The following GRB2 variants were observed in gnomAD, a reference collection of about 807,000 sequenced individuals.
The protein encoded by GRB2 is growth factor receptor-bound protein 2.
GRB2 carries 2 observed loss-of-function variants against 27.4 expected under a neutral mutation model. The observed-to-expected ratio is 0.07, with a 90% CI of 0.03 to 0.23. The LOEUF (loss-of-function observed/expected upper bound fraction) is 0.23, where lower values mean the gene tolerates loss of function less well. Ranked by LOEUF, GRB2 falls within the 10% of genes least tolerant of loss-of-function variation. The pLI, the probability that GRB2 is intolerant of heterozygous loss-of-function variation, is 1.00. For missense variants in GRB2, 102 were observed against 282.4 expected, an observed-to-expected ratio of 0.36 and a Z score of 4.58; for synonymous variants, 94 against 99.6, an observed-to-expected ratio of 0.94 and a Z score of 0.33.
At chr17:75,357,517 T>C (rs2078741028) in intron 2 of GRB2, among the ~76,000 whole-genome samples, 1 of 152,212 alleles carries the variant, frequency 6.6e-6, no homozygotes, top group Non-Finnish European at 1.5e-5. Flanking sequence ...AAAAATAAAG[T>C]TGTCTTCTTT....
intron 1 of GRB2, among the ~76,000 whole-genome samples, chr17:75,396,511 A>C (rs2079030269): frequency 6.6e-6 from 1 of 152,064 alleles, no homozygotes; most frequent in Admixed American, 6.6e-5. Context: ...CCCTCACGCT[A>C]ACTGCTACAA....
chr17:75,376,849 A>G (rs1248617747), intron 2 of GRB2, among the ~76,000 whole-genome samples: 3 of 151,798 alleles, frequency 2.0e-5, no homozygotes, highest in Non-Finnish European at 2.9e-5. Context: ...AAAACAAAAC[A>G]AAACAAACAA....
At position 75,400,344 on chromosome 17, in the gene GRB2, T is replaced by G. The variant is rs542265362; in HGVS notation, c.-138+5145A>C. 3.7e-4 allele frequency among the ~76,000 whole-genome samples: 57 copies of G among 152,194 alleles called. 1 individual carries two copies. The highest frequency in any genetic ancestry group is 1.3e-3 in the African/African-American group (54 of 41,522). On this transcript the variant is annotated intron_variant, in intron 1 of 5. Coordinates refer to ENST00000316804, the MANE Select transcript of GRB2 (RefSeq NM_002086.5). ...GTGCACCACCATGCCTGGCTAATTT[T>G]TGTACTGTTAGTAGAGATGGGCTTT... is the stretch of plus-strand genomic sequence containing the variant.
At chr17:75,351,594 A>C (rs1186241924) in intron 2 of GRB2, among the ~76,000 whole-genome samples, 1 of 152,154 alleles carries the variant, frequency 6.6e-6, no homozygotes, top group Admixed American at 6.6e-5. Flanking sequence ...CTGAGGCTGC[A>C]GTAAGTTATG....
chr17:75,371,415 G>A (rs1237930634), intron 2 of GRB2: 1 of 152,116 alleles, frequency 6.6e-6, no homozygotes, highest in Non-Finnish European at 1.5e-5. Flanking sequence ...GACACAAAGA[G>A]GATATCAACT....
At chr17:75,383,656 A>G (rs1018265880) in intron 2 of GRB2, among the ~76,000 whole-genome samples, 3 of 152,120 alleles carry the variant, frequency 2.0e-5, no homozygotes, top group African/African-American at 7.2e-5. Context: ...AGCCCGGCCA[A>G]TATGGTGAAA....
intron 2 of GRB2, among the ~76,000 whole-genome samples, chr17:75,380,243 C>T (rs776974449): frequency 3.3e-5 from 5 of 151,590 alleles, no homozygotes; most frequent in Non-Finnish European, 2.9e-5. Context: ...GACAGCAAGA[C>T]GGCCCTAAAA....
intron 2 of GRB2, among the ~76,000 whole-genome samples, chr17:75,375,275 T>C (rs1270550968): frequency 6.6e-6 from 1 of 152,162 alleles, no homozygotes; most frequent in Non-Finnish European, 1.5e-5. Flanking sequence ...ATCTTTCATG[T>C]TCTCAACTGG....
At chr17:75,398,922 A>AT (rs1159473292) in intron 1 of GRB2, among the ~76,000 whole-genome samples, 1 of 149,396 alleles carries the variant, frequency 6.7e-6, no homozygotes, top group Non-Finnish European at 1.5e-5. Flanking sequence ...TGATTTTTCT[A>AT]TTTTTAATAG....
chr17:75,402,591 C>T (rs954258971), intron 1 of GRB2, among the ~76,000 whole-genome samples: 2 of 152,118 alleles, frequency 1.3e-5, no homozygotes, highest in Non-Finnish European at 2.9e-5. Context: ...TATCAAAATC[C>T]ACCCATTCAG....
Position 75,354,481 on chromosome 17 carries a change from G to A in GRB2, c.79-21684C>T, listed in dbSNP as rs1269438128. ...TTTCACCACATTGCCAGTGCTTCTC[G>A]TAGGAACACAAACCCTACTGTAAAC... On this transcript the variant is annotated intron_variant, in intron 2 of 5. Coordinates refer to ENST00000316804, the MANE Select transcript of GRB2 (RefSeq NM_002086.5). 5.9e-5 allele frequency among the ~76,000 whole-genome samples: 9 copies of A among 151,974 alleles called. No individual in the cohort carries two copies. The East Asian group carries it at 1.2e-3, about 20-fold the overall frequency.
At chr17:75,389,482 T>C (rs1173301746) in intron 2 of GRB2, among the ~76,000 whole-genome samples, 1 of 152,230 alleles carries the variant, frequency 6.6e-6, no homozygotes, top group Non-Finnish European at 1.5e-5. Flanking sequence ...TGTGTGATCT[T>C]GGATAGATCA....
chr17:75,322,328 C>G (rs951759199), intron 4 of GRB2, among the ~76,000 whole-genome samples: 50 of 149,094 alleles, frequency 3.4e-4, no homozygotes, highest in African/African-American at 1.2e-3. Flanking sequence ...GCTGAGATCG[C>G]GCCATTGCAC....
intron 2 of GRB2, among the ~76,000 whole-genome samples, chr17:75,340,603 G>T (rs1453204734): frequency 6.6e-6 from 1 of 152,160 alleles, no homozygotes; most frequent in African/African-American, 2.4e-5. Flanking sequence ...TAATGGGAGA[G>T]CCACTCAAAG....
In GRB2 at chr17:75,346,578, CT is replaced by C. The variant is rs775027742; in HGVS notation, c.79-13782del. 7.5e-3 allele frequency among the ~76,000 whole-genome samples: 517 copies of C among 68,736 alleles called. 1 individual carries two copies. The highest frequency in any genetic ancestry group is 0.042 in the South Asian group (65 of 1,542). The allele number at this position is 68,736 out of a possible 152,430, so 45.1% of individuals were successfully genotyped here. A position where few individuals can be genotyped will look rare whatever the true frequency, so the allele number is the denominator to read the frequency against. ...TCCAGTTACACCTTGCTTTTCTTGC[CT>C]TTTTTTTTTTTTTTTTTTTTTTGAG... On this transcript the variant is annotated intron_variant, in intron 2 of 5. Coordinates refer to ENST00000316804, the MANE Select transcript of GRB2 (RefSeq NM_002086.5).
At chr17:75,375,517 AG>A (rs2078886626) in intron 2 of GRB2, among the ~76,000 whole-genome samples, 1 of 152,256 alleles carries the variant, frequency 6.6e-6, no homozygotes, top group Non-Finnish European at 1.5e-5. Context: ...ACCAGATGGT[AG>A]GCCATAAAAC....
intron 2 of GRB2, among the ~76,000 whole-genome samples, chr17:75,358,046 A>G (rs1157858995): frequency 1.3e-5 from 2 of 152,206 alleles, no homozygotes; most frequent in African/African-American, 4.8e-5. Flanking sequence ...TGCAGACGAC[A>G]TGCATGAGCC....
Position 75,339,148 on chromosome 17 carries a change from G to A in GRB2, c.79-6351C>T, listed in dbSNP as rs1347638142. The A allele has an allele frequency of 1.1e-5, 13 of 1,170,700 alleles. No individual in the cohort carries two copies. In the East Asian group the frequency reaches 2.8e-4, roughly 25 times the overall value. The allele number at this position is 1,170,700 out of a possible 1,614,324, so 72.5% of individuals were successfully genotyped here. A position where few individuals can be genotyped will look rare whatever the true frequency, so the allele number is the denominator to read the frequency against. ...AAAGGGCCAAGTGATCCAGTTCTAA[G>A]TGTCATCTTTTGTTTTATTATGAAG... On this transcript the variant is annotated intron_variant, in intron 2 of 5. Coordinates refer to ENST00000316804, the MANE Select transcript of GRB2 (RefSeq NM_002086.5).
intron 3 of GRB2, among the ~76,000 whole-genome samples, chr17:75,332,387 C>A (rs1598220655): frequency 1.3e-5 from 2 of 151,382 alleles, no homozygotes; most frequent in East Asian, 3.9e-4. Context: ...TTCTAAAACT[C>A]AAAAAAAATG....
Sources: gnomAD v4.1 joint callset for allele counts (sites outside exome capture counted in the v4.1 genomes callset) on GRCh38, gnomAD v4.1.1 for gene constraint, MANE v1.5 for transcripts, NCBI Gene and HGNC (gene_info 2026-07-23, HGNC 2026-07-21) for gene names.